The following PALMD variants were observed in gnomAD, a reference collection of about 807,000 sequenced individuals.
PALMD encodes the protein palmdelphin, also known as paralemmin-like protein.
A neutral mutation model predicts 56.2 loss-of-function variants in PALMD; 42 were observed. The ratio of observed to expected loss-of-function variants is 0.75; its 90% confidence interval spans 0.58 to 0.97. The LOEUF (loss-of-function observed/expected upper bound fraction) is 0.97, where lower values mean the gene tolerates loss of function less well. PALMD is among the 50% of genes least tolerant of loss of function. The pLI is 0.00. For missense variants in PALMD, 660 were observed against 643.8 expected, an observed-to-expected ratio of 1.03 and a Z score of -0.27; for synonymous variants, 242 against 222.9, an observed-to-expected ratio of 1.09 and a Z score of -0.76.
At chr1:99,654,125 G>A (rs773014591) in intron 1 of PALMD, among the ~76,000 whole-genome samples, 14 of 151,952 alleles carry the variant, frequency 9.2e-5, no homozygotes, top group Non-Finnish European at 1.9e-4. Context: ...TTCAACACAA[G>A]TTCCACCACT....
rs1653742951 is a variant in PALMD at position 99,694,454 on chromosome 1, A to C, written c.*392A>C. The stretch of plus-strand genomic sequence containing the variant: ...AGATCATAGGAAAGCATTGCCCTTC[A>C]TCACAGAAGTATTCAACTCTGACAA... On this transcript the variant is annotated 3_prime_UTR_variant, in exon 8 of 8. Transcript: ENST00000263174. 2 of 161,054 alleles carry C rather than the reference A, an allele frequency of 1.2e-5. No homozygotes were observed. The highest frequency in any genetic ancestry group is 1.2e-4 in the Admixed American group (2 of 16,042). 10.0% of individuals were successfully genotyped at this position (161,054 alleles called of 1,614,324 possible).
At chr1:99,665,890 T>C (rs146619784) in intron 2 of PALMD, among the ~76,000 whole-genome samples, 1 of 152,320 alleles carries the variant, frequency 6.6e-6, no homozygotes, top group African/African-American at 2.4e-5. Flanking sequence ...TCATATTTAC[T>C]GGGTCTGCAG....
intron 1 of PALMD, among the ~76,000 whole-genome samples, chr1:99,655,956 ACACACACACACG>A (rs1219954060): frequency 2.7e-5 from 4 of 150,924 alleles, no homozygotes; most frequent in African/African-American, 9.9e-5. Flanking sequence ...ACATGCACAC[ACACACACACACG>A]CATGCACTTT....
intron 1 of PALMD, among the ~76,000 whole-genome samples, chr1:99,648,325 A>T (rs1338550727): frequency 1.3e-5 from 2 of 152,106 alleles, no homozygotes; most frequent in Non-Finnish European, 2.9e-5. Context: ...GAAACAACAC[A>T]TCCACTCTCC....
chr1:99,662,794 T>C (rs990894273), intron 2 of PALMD, among the ~76,000 whole-genome samples: 1 of 152,176 alleles, frequency 6.6e-6, no homozygotes, highest in Non-Finnish European at 1.5e-5. Context: ...TGCAGAACAG[T>C]GTCTGGCCTG....
chr1:99,648,236 C>G (rs951116799), intron 1 of PALMD, among the ~76,000 whole-genome samples: 2 of 152,092 alleles, frequency 1.3e-5, no homozygotes, highest in East Asian at 3.9e-4. Context: ...TTCTCATAAA[C>G]CAGCCTACAC....
intron 1 of PALMD, among the ~76,000 whole-genome samples, chr1:99,653,605 T>G (rs1315140201): frequency 6.6e-6 from 1 of 152,178 alleles, no homozygotes; most frequent in Non-Finnish European, 1.5e-5. Flanking sequence ...ATTTCAAAGC[T>G]AGATGCAGAC....
At chr1:99,665,575 G>A (rs893281577) in intron 2 of PALMD, among the ~76,000 whole-genome samples, 2 of 152,004 alleles carry the variant, frequency 1.3e-5, no homozygotes, top group Admixed American at 1.3e-4. Flanking sequence ...CAAGAATATA[G>A]CCCCAAGTTA....
intron 3 of PALMD, among the ~76,000 whole-genome samples, chr1:99,673,972 C>G (rs2100865963): frequency 6.6e-6 from 1 of 152,212 alleles, no homozygotes; most frequent in South Asian, 2.1e-4. Flanking sequence ...CATTAATGAA[C>G]TGAAAAGGAA....
At chr1:99,653,153 CCAAAA>C (rs201660889) in intron 1 of PALMD, among the ~76,000 whole-genome samples, 2 of 151,818 alleles carry the variant, frequency 1.3e-5, no homozygotes, top group African/African-American at 4.8e-5. Flanking sequence ...AGCTGGAGCA[CCAAAA>C]CAAAACAAAA....
chr1:99,686,496 T>C (rs1653498817), intron 3 of PALMD, 180 bp from the exon 4 acceptor site: 1 of 398,626 alleles, frequency 2.5e-6, no homozygotes, highest in African/African-American at 2.1e-5. Context: ...GGGCATTAGG[T>C]ATCTTCCATA....
At chr1:99,647,767 T>C (rs1038449261) in intron 1 of PALMD, among the ~76,000 whole-genome samples, 1 of 152,246 alleles carries the variant, frequency 6.6e-6, no homozygotes, top group Non-Finnish European at 1.5e-5. Flanking sequence ...CTATTTCTAA[T>C]GCTTATATCT....
intron 2 of PALMD, among the ~76,000 whole-genome samples, chr1:99,665,095 C>CA (rs981188089): frequency 3.3e-5 from 5 of 152,082 alleles, no homozygotes; most frequent in Admixed American, 1.3e-4. Flanking sequence ...CCAGGAAACA[C>CA]AAAATACAGT....
In PALMD at chr1:99,646,377, A is replaced by G; in HGVS notation, c.45+15A>G. ...AGGCCATCACAGTAAGTCTGCATAC[A>G]GTTATAACTCATTAACGTTGTTACT... is the stretch of plus-strand genomic sequence containing the variant. On this transcript the variant is annotated intron_variant, in intron 1 of 7. Coordinates refer to ENST00000263174, the MANE Select transcript of PALMD (RefSeq NM_017734.5). 1 of 1,599,534 alleles carries G rather than the reference A, an allele frequency of 6.3e-7. No homozygotes were observed. The highest frequency in any genetic ancestry group is 8.6e-7 in the Non-Finnish European group (1 of 1,166,686).
At chr1:99,659,669 A>G (rs1266983058) in intron 1 of PALMD, among the ~76,000 whole-genome samples, 1 of 152,226 alleles carries the variant, frequency 6.6e-6, no homozygotes, top group Non-Finnish European at 1.5e-5. Flanking sequence ...ACTGAAACTA[A>G]GTTATTGTCA....
At chr1:99,693,706 T>C (rs1226627117) in intron 7 of PALMD, among the ~76,000 whole-genome samples, 2 of 152,320 alleles carry the variant, frequency 1.3e-5, no homozygotes, top group South Asian at 2.1e-4. Flanking sequence ...CATCAACCTA[T>C]AGGAATCTGT....
At chr1:99,652,689 G>A (rs138991664) in intron 1 of PALMD, among the ~76,000 whole-genome samples, 2,705 of 55,866 alleles carry the variant, frequency 0.048, 51 homozygotes, top group East Asian at 0.13. Flanking sequence ...GGAAAGGAAA[G>A]GAAAGGAAAA....
At chr1:99,675,544 G>A (rs1197010236) in intron 3 of PALMD, among the ~76,000 whole-genome samples, 1 of 152,108 alleles carries the variant, frequency 6.6e-6, no homozygotes, top group East Asian at 1.9e-4. Context: ...CCTATTAAAT[G>A]TTTGGCATGT....
chr1:99,653,036 C>T (rs371349568), intron 1 of PALMD, among the ~76,000 whole-genome samples: 4 of 152,148 alleles, frequency 2.6e-5, no homozygotes, highest in Admixed American at 6.6e-5. Context: ...CTCTGCCTTC[C>T]TCCCCATCCC....
Sources: allele counts gnomAD v4.1 joint callset (sites outside exome capture counted in the v4.1 genomes callset), GRCh38; gene constraint gnomAD v4.1.1; transcripts MANE v1.5; gene names NCBI Gene and HGNC (gene_info 2026-07-23, HGNC 2026-07-21).